KDM4C: variants seen among roughly 807,000 people sequenced by gnomAD.
The protein encoded by KDM4C is lysine-specific demethylase 4C.
KDM4C carries 81 observed loss-of-function variants against 129.3 expected under a neutral mutation model. The observed-to-expected ratio is 0.63, with a 90% CI of 0.52 to 0.75. KDM4C has a LOEUF of 0.75. KDM4C is among the 30% of genes least tolerant of loss of function. The pLI is 0.00. For synonymous variants in KDM4C, 573 were observed against 456.1 expected (o/e 1.26, Z -3.26); for missense variants, 1,457 against 1,304.0 (o/e 1.12, Z -1.81).
At chr9:6,780,716 C>T (rs1422014166) in intron 1 of KDM4C, among the ~76,000 whole-genome samples, 6 of 125,836 alleles carry the variant, frequency 4.8e-5, no homozygotes, top group Admixed American at 3.1e-4. Flanking sequence ...TGCAGTGAGC[C>T]GAGATTCCGC....
At chr9:6,756,171 C>G (rs1459744409), upstream of KDM4C, among the ~76,000 whole-genome samples, 1 of 152,102 alleles carries the variant, frequency 6.6e-6, no homozygotes, top group Admixed American at 6.6e-5. Flanking sequence ...ATTTCTTAAC[C>G]GCTATGCTTC....
chr9:6,917,035 T>C (rs1474973281), intron 8 of KDM4C, among the ~76,000 whole-genome samples: 1 of 152,188 alleles, frequency 6.6e-6, no homozygotes, highest in Non-Finnish European at 1.5e-5. Flanking sequence ...TTCTGTTTTT[T>C]TTGTTGTTGT....
chr9:7,035,629 T>G (rs1827509755), intron 15 of KDM4C, among the ~76,000 whole-genome samples: 1 of 152,122 alleles, frequency 6.6e-6, no homozygotes, highest in African/African-American at 2.4e-5. Context: ...ATCTTAGGTT[T>G]AGGTCTTTGA....
rs1818598616 is a variant in KDM4C at position 6,758,066 on chromosome 9, C to T, written c.-155C>T. 6 of 985,460 alleles carry T rather than the reference C, an allele frequency of 6.1e-6. No homozygotes were observed. Among genetic ancestry groups the T allele is most frequent in the South Asian group, 9.4e-5 (2 of 21,278 alleles). 61.0% of individuals were successfully genotyped at this position (985,460 alleles called of 1,614,324 possible). A position where few individuals can be genotyped will look rare whatever the true frequency, so the allele number is the denominator to read the frequency against. Reference sequence around the variant, plus strand: ...GCGCAGTGATCGGGCGGCCGGGGTCCTGTGCGCGTGCGCAGCGAACAGCTG... The same window carrying T: ...GCGCAGTGATCGGGCGGCCGGGGTCTTGTGCGCGTGCGCAGCGAACAGCTG... On this transcript the variant is annotated 5_prime_UTR_variant, in exon 1 of 22. Coordinates refer to ENST00000381309, the MANE Select transcript of KDM4C (RefSeq NM_015061.6). The surrounding 1 kb of genome is among the most constrained non-coding windows in gnomAD (Gnocchi z 4.6).
In KDM4C at chr9:6,845,531, C is replaced by T. The variant is rs533544572; in HGVS notation, c.436-3976C>T. Among the ~76,000 whole-genome samples, 5 of 152,256 alleles carry T rather than the reference C, an allele frequency of 3.3e-5. No individual in the cohort carries two copies. In the South Asian group the frequency reaches 1.0e-3, roughly 32 times the overall value. On this transcript the variant is annotated intron_variant, in intron 4 of 21. Coordinates refer to ENST00000381309, the MANE Select transcript of KDM4C (RefSeq NM_015061.6). Reference sequence around the variant, plus strand: ...TGCCTGGCCTACGAGTGCTTTTAAACTGCTGTCTGATTCCTGATAGGAGGA... The same window carrying T: ...TGCCTGGCCTACGAGTGCTTTTAAATTGCTGTCTGATTCCTGATAGGAGGA...
intron 17 of KDM4C, among the ~76,000 whole-genome samples, chr9:7,085,924 G>A (rs1835061632): frequency 6.6e-6 from 1 of 152,158 alleles, no homozygotes; most frequent in African/African-American, 2.4e-5. Flanking sequence ...GGGAGGCCGA[G>A]GCAGGTGGAT....
intron 1 of KDM4C, among the ~76,000 whole-genome samples, chr9:6,750,166 C>T (rs1284904570): frequency 6.6e-6 from 1 of 151,822 alleles, no homozygotes; most frequent in African/African-American, 2.4e-5. Context: ...CATGGCCAGG[C>T]ACGGTGGCTC....
At chr9:6,872,103 C>G (rs1298235527) in intron 5 of KDM4C, among the ~76,000 whole-genome samples, 1 of 152,086 alleles carries the variant, frequency 6.6e-6, no homozygotes, top group Non-Finnish European at 1.5e-5. Context: ...TAGAATAATT[C>G]TTAGTCCAGC....
intron 19 of KDM4C, 132 bp from the exon 20 acceptor site, chr9:7,165,106 A>G (rs1377777131): frequency 2.8e-6 from 3 of 1,054,988 alleles, no homozygotes; most frequent in Non-Finnish European, 4.1e-6. Flanking sequence ...CTGAACACCC[A>G]TGCGAGATCA....
intron 8 of KDM4C, among the ~76,000 whole-genome samples, chr9:6,930,802 T>C (rs186507259): frequency 3.7e-4 from 56 of 151,568 alleles, no homozygotes; most frequent in Admixed American, 3.3e-4. Context: ...GCAATGAATG[T>C]TCTTTTGTTG....
intron 19 of KDM4C, among the ~76,000 whole-genome samples, chr9:7,156,621 A>G (rs564466866): frequency 4.6e-5 from 7 of 152,270 alleles, no homozygotes; most frequent in African/African-American, 1.7e-4. Context: ...TCCTTTCCCC[A>G]TTTCTTGTTT....
At chr9:6,804,962 G>A (rs778644179) in intron 2 of KDM4C, among the ~76,000 whole-genome samples, 8 of 151,480 alleles carry the variant, frequency 5.3e-5, no homozygotes, top group East Asian at 2.0e-4. Flanking sequence ...GTGCAGTGGC[G>A]CGATCTCAGC....
At chr9:6,842,629 C>G (rs1361198960) in intron 4 of KDM4C, among the ~76,000 whole-genome samples, 1 of 151,962 alleles carries the variant, frequency 6.6e-6, no homozygotes, top group Non-Finnish European at 1.5e-5. Flanking sequence ...AGCTACTGCA[C>G]CAGGACTGAT....
intron 1 of KDM4C, among the ~76,000 whole-genome samples, chr9:6,746,489 G>C (rs1319556222): frequency 7.0e-6 from 1 of 143,816 alleles, no homozygotes; most frequent in Non-Finnish European, 1.5e-5. Flanking sequence ...GGATGGTCTG[G>C]ATCTCCTGAC....
At chr9:6,727,961 G>C (rs1052232812) in intron 1 of KDM4C, among the ~76,000 whole-genome samples, 5 of 148,678 alleles carry the variant, frequency 3.4e-5, no homozygotes, top group African/African-American at 1.2e-4. Flanking sequence ...TTGGGAATCT[G>C]CAAGAACCTC....
intron 21 of KDM4C, chr9:7,170,482 T>C: frequency 5.1e-6 from 5 of 981,812 alleles, no homozygotes; most frequent in Non-Finnish European, 6.0e-6. Flanking sequence ...TGCCCTCACA[T>C]ACCATTAAAA....
chr9:7,074,946 A>G (rs577844554), intron 17 of KDM4C, among the ~76,000 whole-genome samples: 2 of 152,298 alleles, frequency 1.3e-5, no homozygotes, highest in Admixed American at 6.5e-5. Flanking sequence ...GTCTGACAAG[A>G]TCTCCTGCCA....
intron 1 of KDM4C, among the ~76,000 whole-genome samples, chr9:6,729,122 T>TAAAAAAAAGAAAAAAAAAAAGGG (rs1563913049): frequency 8.2e-6 from 1 of 122,664 alleles, no homozygotes; most frequent in Admixed American, 9.5e-5. Flanking sequence ...GAGAATTGCT[T>TAAAAAAAAGAAAAAAAAAAAGGG]GAACCCGGGA....
rs558450768 is a variant in KDM4C, at chr9:7,016,223, G to A, written c.2259+294G>A. On this transcript the variant is annotated intron_variant, in intron 15 of 21. Transcript: ENST00000381309. Reference sequence around the variant, plus strand: ...GCTCACTGCAAGCTCCACCTTCCAGGTTCACACCATTCTCCTGCCTCAGCC... The same window carrying A: ...GCTCACTGCAAGCTCCACCTTCCAGATTCACACCATTCTCCTGCCTCAGCC... Among the ~76,000 whole-genome samples, 3 of 151,802 alleles carry A rather than the reference G, an allele frequency of 2.0e-5. No homozygotes were observed. The East Asian group carries it at 5.8e-4, about 29-fold the overall frequency.
Sources: allele counts gnomAD v4.1 joint callset (sites outside exome capture counted in the v4.1 genomes callset), GRCh38; gene constraint gnomAD v4.1.1; non-coding constraint Gnocchi (gnomAD v3.1); transcripts MANE v1.5; gene names NCBI Gene and HGNC (gene_info 2026-07-23, HGNC 2026-07-21).